The following NATD1 variants were observed in gnomAD, a reference collection of about 807,000 sequenced individuals.
NATD1 encodes protein NATD1.
A neutral mutation model predicts 12.0 loss-of-function variants in NATD1; 9 were observed. The ratio of observed to expected loss-of-function variants is 0.75; its 90% CI spans 0.45 to 1.30. The LOEUF (loss-of-function observed/expected upper bound fraction) is 1.30. Among genes scored for constraint, NATD1 ranks in the 50% most tolerant of loss-of-function variants. The pLI is 0.00. For synonymous variants in NATD1, 71 were observed against 65.9 expected (o/e 1.08, Z -0.37); for missense variants, 148 against 148.5 (o/e 1.00, Z 0.02).
chr17:21,245,257 G>C (rs537145043), intron 1 of NATD1, among the ~76,000 whole-genome samples: 1 of 152,130 alleles, frequency 6.6e-6, no homozygotes, highest in African/African-American at 2.4e-5. Flanking sequence ...GGGCAGAGAT[G>C]GGGGCAGGGA....
Position 21,253,224 on chromosome 17 carries a change from T to G in NATD1, c.41A>C (p.Glu14Ala). ...SAAAVPLGAL[E>A]QGCPIRVEHD... ...CTCCACGCGGATGGGGCAGCCCTGCTCCAGCGCGCCCAGCGGCACGGCGGC... is the reference window on the plus strand; with the variant it reads ...CTCCACGCGGATGGGGCAGCCCTGCGCCAGCGCGCCCAGCGGCACGGCGGC... Residue 14 changes from glutamate to alanine, a missense_variant, in exon 1 of 3, where the codon GAG (glutamate) becomes GCG (alanine). Glu to Ala is a moderately radical substitution (Grantham distance 107). Coordinates refer to ENST00000611551, the MANE Select transcript of NATD1 (RefSeq NM_152914.3). 1.0e-6 allele frequency: 1 copy of G among 1,000,640 alleles called. No homozygotes were observed. The highest frequency in any genetic ancestry group is 1.2e-6 in the Non-Finnish European group (1 of 841,848). 62.0% of individuals were successfully genotyped at this position (1,000,640 alleles called of 1,614,324 possible).
chr17:21,243,705 AGGAGGG>A (rs1975300271), intron 2 of NATD1, among the ~76,000 whole-genome samples: 1 of 152,024 alleles, frequency 6.6e-6, no homozygotes, highest in South Asian at 2.1e-4. Flanking sequence ...GTGGGGGTGG[AGGAGGG>A]GAAGCCGGCA....
At chr17:21,252,639 G>A (rs1975388144) in intron 1 of NATD1, among the ~76,000 whole-genome samples, 2 of 151,662 alleles carry the variant, frequency 1.3e-5, no homozygotes, top group Non-Finnish European at 2.9e-5. Flanking sequence ...CCCCAGGTCC[G>A]CAGGCCTCCC....
chr17:21,243,333 G>A lies in NATD1; in HGVS notation c.322C>T (p.Leu108=), dbSNP rs576804861. The change falls in exon 3 of 3, where the codon CTG becomes TTG. Residue 108 remains leucine, a synonymous_variant. Transcript: ENST00000611551. ...CAGGGTTACGGCTGCAGGCGCTCCAGGTACTGCGGCAGGGGGTTCTCCTTG... is the reference window on the plus strand; with the variant it reads ...CAGGGTTACGGCTGCAGGCGCTCCAAGTACTGCGGCAGGGGGTTCTCCTTG... ...YVKENPLPQY[L]ERLQP 21 of 1,612,870 alleles carry A rather than the reference G, an allele frequency of 1.3e-5. No individual in the cohort carries two copies. In the East Asian group the frequency reaches 4.0e-4, roughly 31 times the overall value.
rs955122546 is a variant in NATD1, at chr17:21,244,289, C to T, written c.107-65G>A. The stretch of plus-strand genomic sequence containing the variant: ...ATCCCAGCGGACTCAGGCACCAAGA[C>T]GGGTGGAGGGACAGGCATTTGGAGT... On this transcript the variant is annotated intron_variant, in intron 1 of 2. Coordinates refer to ENST00000611551, the MANE Select transcript of NATD1 (RefSeq NM_152914.3). The surrounding 1 kb of genome is among the most constrained non-coding windows in gnomAD (Gnocchi z 5.2). 169 of 1,425,420 alleles carry T rather than the reference C, an allele frequency of 1.2e-4. No individual in the cohort carries two copies. The highest frequency in any genetic ancestry group is 2.9e-4 in the East Asian group (12 of 40,838). 88.3% of individuals were successfully genotyped at this position (1,425,420 alleles called of 1,614,324 possible). A position where few individuals can be genotyped will look rare whatever the true frequency, so the allele number is the denominator to read the frequency against.
intron 1 of NATD1, 151 bp downstream of exon 1, chr17:21,253,008 C>T (rs1975392806): frequency 3.9e-6 from 1 of 255,904 alleles, no homozygotes; most frequent in Non-Finnish European, 6.1e-6. Context: ...CCCGGGACCA[C>T]CCCGCGGCGC....
At position 21,240,494 on chromosome 17, in the gene NATD1, G is replaced by A. The variant is rs912632878; in HGVS notation, c.*2819C>T. ...ACACCTTTTATGGAAATGTTCCTCT[G>A]AGACCTGTTGATGAGCTTGGAGAAT... On this transcript the variant is annotated 3_prime_UTR_variant, in exon 3 of 3. Transcript: ENST00000611551. 6.5e-6 allele frequency: 1 copy of A among 152,672 alleles called. No homozygotes were observed. Among genetic ancestry groups the A allele is most frequent in the East Asian group, 1.9e-4 (1 of 5,200 alleles). 9.5% of individuals were successfully genotyped at this position (152,672 alleles called of 1,614,324 possible).
rs1396591643 is a variant in NATD1 at position 21,241,799 on chromosome 17, G to A, written c.*1514C>T. The A allele has an allele frequency of 3.9e-5, 6 of 152,286 alleles. No individual in the cohort carries two copies. Among genetic ancestry groups the A allele is most frequent in the African/African-American group, 9.7e-5 (4 of 41,400 alleles). The allele number at this position is 152,286 out of a possible 1,614,324, so 9.4% of individuals were successfully genotyped here. A position where few individuals can be genotyped will look rare whatever the true frequency, so the allele number is the denominator to read the frequency against. ...CACATGCAGGTCTCCGTGGTCCTGCGTCCAGGCAGGAAGGCCCCTGGGCTG... is the reference window on the plus strand; with the variant it reads ...CACATGCAGGTCTCCGTGGTCCTGCATCCAGGCAGGAAGGCCCCTGGGCTG... On this transcript the variant is annotated 3_prime_UTR_variant, in exon 3 of 3. Coordinates refer to ENST00000611551, the MANE Select transcript of NATD1 (RefSeq NM_152914.3).
rs1975257944 is a variant in NATD1 at position 21,240,449 on chromosome 17, A to G, written c.*2864T>C. On this transcript the variant is annotated 3_prime_UTR_variant, in exon 3 of 3. Coordinates refer to ENST00000611551, the MANE Select transcript of NATD1 (RefSeq NM_152914.3). The stretch of plus-strand genomic sequence containing the variant: ...CTGTGGGGGAAGCGACAGCGTGCAG[A>G]CAGCACTGCATGCCAGGCCACACCT... The G allele has an allele frequency of 6.6e-6, 1 of 152,560 alleles. No homozygotes were observed. The allele number at this position is 152,560 out of a possible 1,614,324, so 9.5% of individuals were successfully genotyped here. A position where few individuals can be genotyped will look rare whatever the true frequency, so the allele number is the denominator to read the frequency against.
rs780399852 is a variant in NATD1 at position 21,243,383 on chromosome 17, G to T, written c.272C>A (p.Thr91Asn). The T allele has an allele frequency of 7.4e-6, 12 of 1,613,460 alleles. No homozygotes were observed. Among genetic ancestry groups the T allele is most frequent in the Non-Finnish European group, 1.0e-5 (12 of 1,179,998 alleles). The change falls in exon 3 of 3, where the codon ACC becomes AAC. Residue 91 changes from threonine to asparagine, a missense_variant. By Grantham distance (65) the Thr-to-Asn change is moderately conservative (BLOSUM62 0). Transcript: ENST00000611551. Reference sequence around the variant, plus strand: ...GACGTACTTCTGGATGTACCAGCAGGTGAGATGGGCCTTCAGGTCCTCCTC... The same window carrying T: ...GACGTACTTCTGGATGTACCAGCAGTTGAGATGGGCCTTCAGGTCCTCCTC... The part of the protein sequence containing the change: ...VVEEDLKAHL[T>N]CWYIQKYVKE...
chr17:21,244,027 G>A lies in NATD1; in HGVS notation c.225+79C>T, dbSNP rs371793397. 22 of 1,320,392 alleles carry A rather than the reference G, an allele frequency of 1.7e-5. No individual in the cohort carries two copies. In the African/African-American group the frequency reaches 2.6e-4, roughly 16 times the overall value. 81.8% of individuals were successfully genotyped at this position (1,320,392 alleles called of 1,614,324 possible). A position where few individuals can be genotyped will look rare whatever the true frequency, so the allele number is the denominator to read the frequency against. Reference sequence around the variant, plus strand: ...AAGAAGCAGGCTGAAGTGGCCACCAGGGCCACCGTCTCCTCGGAGCGAAGG... The same window carrying A: ...AAGAAGCAGGCTGAAGTGGCCACCAAGGCCACCGTCTCCTCGGAGCGAAGG... On this transcript the variant is annotated intron_variant, in intron 2 of 2. Coordinates refer to ENST00000611551, the MANE Select transcript of NATD1 (RefSeq NM_152914.3). This position sits in a 1 kb window ranked among gnomAD's most constrained non-coding sequence, Gnocchi z 5.2.
rs1328183247 is a variant in NATD1, at chr17:21,242,580, G to C, written c.*733C>G. The C allele has an allele frequency of 2.0e-5, 3 of 152,308 alleles. No individual in the cohort carries two copies. Among genetic ancestry groups the C allele is most frequent in the Non-Finnish European group, 4.4e-5 (3 of 68,124 alleles). 9.4% of individuals were successfully genotyped at this position (152,308 alleles called of 1,614,324 possible). A position where few individuals can be genotyped will look rare whatever the true frequency, so the allele number is the denominator to read the frequency against. ...TAGGGGATAGCAGCCCATGGGGATG[G>C]GGCCTTGGTTTCCTGCAGAACCTAC... On this transcript the variant is annotated 3_prime_UTR_variant, in exon 3 of 3. Transcript: ENST00000611551.
rs1975394914 is a variant in NATD1, at chr17:21,253,166, C to T, written c.99G>A (p.Arg33=). ...HDRRRRQFTV[R]LNGCHDRAVL... is the part of the protein sequence containing the mutation. ...GGGCCGGGGCCGCCTTACCGTTGAG[C>T]CGGACAGTGAACTGGCGGCGCCGGC... Residue 33 remains arginine (R), a synonymous_variant, in exon 1 of 3, where the codon CGG becomes CGA. Coordinates refer to ENST00000611551, the MANE Select transcript of NATD1 (RefSeq NM_152914.3). The T allele has an allele frequency of 9.8e-7, 1 of 1,020,984 alleles. No individual in the cohort carries two copies. The highest frequency in any genetic ancestry group is 1.2e-6 in the Non-Finnish European group (1 of 854,482). The allele number at this position is 1,020,984 out of a possible 1,614,324, so 63.2% of individuals were successfully genotyped here.
At position 21,251,525 on chromosome 17, in the gene NATD1, G is replaced by C. The variant is rs143670987; in HGVS notation, c.106+1634C>G. Among the ~76,000 whole-genome samples the C allele has an allele frequency of 3.4e-3, 521 of 152,242 alleles. 3 individuals carry two copies. Among genetic ancestry groups the C allele is most frequent in the Non-Finnish European group, 6.5e-3 (440 of 68,004 alleles). ...TGCCTCTGCCTGGTGGTGTAGGGTT[G>C]GTTGGGCCAATGGTGAAGTTCTGGG... On this transcript the variant is annotated intron_variant, in intron 1 of 2. Transcript: ENST00000611551.
chr17:21,250,422 C>T (rs1975364433), intron 1 of NATD1, among the ~76,000 whole-genome samples: 1 of 152,232 alleles, frequency 6.6e-6, no homozygotes, highest in South Asian at 2.1e-4. Flanking sequence ...CCCTGCACCT[C>T]TCATGAAAGC....
Position 21,243,334 on chromosome 17 carries a change from G to GTAC in NATD1, c.318_320dup (p.Gln106_Tyr107insTer). 6.2e-7 allele frequency: 1 copy of GTAC among 1,612,930 alleles called. No individual in the cohort carries two copies. Among genetic ancestry groups the GTAC allele is most frequent in the Non-Finnish European group, 8.5e-7 (1 of 1,179,942 alleles). On this transcript the variant is annotated stop_gained, in exon 3 of 3. Transcript: ENST00000611551. LOFTEE classifies it high-confidence loss of function. ...AGGGTTACGGCTGCAGGCGCTCCAG[G>GTAC]TACTGCGGCAGGGGGTTCTCCTTGA...
chr17:21,246,540 A>G (rs1239177950), intron 1 of NATD1, among the ~76,000 whole-genome samples: 3 of 150,964 alleles, frequency 2.0e-5, no homozygotes, highest in South Asian at 2.1e-4. Context: ...AAAAAAAAAA[A>G]GCTGAGCATG....
At chr17:21,247,100 G>C (rs926060408) in intron 1 of NATD1, among the ~76,000 whole-genome samples, 4 of 152,212 alleles carry the variant, frequency 2.6e-5, no homozygotes, top group African/African-American at 9.6e-5. Flanking sequence ...CCCTGCGTCA[G>C]TGTTTCTGGA....
intron 1 of NATD1, among the ~76,000 whole-genome samples, chr17:21,246,856 C>T (rs1975329874): frequency 6.6e-6 from 1 of 152,140 alleles, no homozygotes; most frequent in Admixed American, 6.6e-5. Flanking sequence ...GTGAGAACAG[C>T]ACGTGCAAAG....
Sources: gnomAD v4.1 joint callset for allele counts (sites outside exome capture counted in the v4.1 genomes callset) on GRCh38, gnomAD v4.1.1 for gene constraint, Gnocchi (gnomAD v3.1) non-coding constraint, MANE v1.5 for transcripts, NCBI Gene and HGNC (gene_info 2026-07-23, HGNC 2026-07-21) for gene names.